The following ERCC6L2 variants were observed in gnomAD, a reference collection of about 807,000 sequenced individuals.
ERCC6L2 encodes ERCC excision repair 6 like 2.
In ERCC6L2, 77 loss-of-function variants were observed where a neutral mutation model predicts 132.0. The observed-to-expected ratio is 0.58, with a 90% CI of 0.49 to 0.71. ERCC6L2 has a LOEUF of 0.71. Among genes scored for constraint, ERCC6L2 ranks in the 30% least tolerant of loss-of-function variants. The pLI is 0.00. For synonymous variants in ERCC6L2, 583 were observed against 632.4 expected (o/e 0.92, Z 1.17); for missense variants, 1,542 against 1,837.6 (o/e 0.84, Z 2.94).
At position 95,918,545 on chromosome 9, in the gene ERCC6L2, TC is replaced by T. The variant is rs879021872; in HGVS notation, c.1158+2112del. 351 of 455,816 alleles carry T rather than the reference TC, an allele frequency of 7.7e-4. 3 individuals are homozygous for T. Among genetic ancestry groups the T allele is most frequent in the Middle Eastern group, 4.0e-3 (6 of 1,508 alleles). The allele number at this position is 455,816 out of a possible 1,614,324, so 28.2% of individuals were successfully genotyped here. A position where few individuals can be genotyped will look rare whatever the true frequency, so the allele number is the denominator to read the frequency against. ...CTAAAGACAAAATGATGAATGGAAGTCATTACAGCTACTCTGAGAATTGTGT... is the reference window on the plus strand; with the variant it reads ...CTAAAGACAAAATGATGAATGGAAGTATTACAGCTACTCTGAGAATTGTGT... On this transcript the variant is annotated intron_variant, in intron 6 of 18. Transcript: ENST00000653738.
chr9:95,923,063 C>T (rs1055341387), intron 8 of ERCC6L2, among the ~76,000 whole-genome samples, 197 bp from the exon 9 acceptor site: 5 of 152,128 alleles, frequency 3.3e-5, no homozygotes, highest in African/African-American at 7.2e-5. Context: ...TTAATAACCA[C>T]ATCATTAAGA....
At chr9:95,913,064 A>G (rs576411879) in intron 4 of ERCC6L2, among the ~76,000 whole-genome samples, 5 of 152,126 alleles carry the variant, frequency 3.3e-5, no homozygotes, top group Non-Finnish European at 7.4e-5. Context: ...CTCCATTGTA[A>G]AGATATGTTT....
intron 11 of ERCC6L2, among the ~76,000 whole-genome samples, chr9:95,931,261 A>G (rs1209091131): frequency 6.6e-6 from 1 of 152,046 alleles, no homozygotes; most frequent in East Asian, 1.9e-4. Context: ...AATAATCCTC[A>G]ATGTTACTAA....
At chr9:95,939,845 T>C (rs930952228) in intron 11 of ERCC6L2, among the ~76,000 whole-genome samples, 2 of 152,188 alleles carry the variant, frequency 1.3e-5, no homozygotes, top group African/African-American at 4.8e-5. Flanking sequence ...GTATAAGTGA[T>C]TTTTTATTGT....
chr9:95,924,650 T>C (rs1587916583), intron 9 of ERCC6L2, among the ~76,000 whole-genome samples: 1 of 152,116 alleles, frequency 6.6e-6, no homozygotes, highest in African/African-American at 2.4e-5. Flanking sequence ...AGTCTTGAAA[T>C]TAAGTTTTAT....
At chr9:95,978,982 A>C (rs1832784670) in intron 17 of ERCC6L2, among the ~76,000 whole-genome samples, 1 of 152,242 alleles carries the variant, frequency 6.6e-6, no homozygotes, top group African/African-American at 2.4e-5. Context: ...CACTGGTTTG[A>C]CAAAGGAATT....
chr9:95,973,286 A>G (rs1375722658), intron 16 of ERCC6L2, among the ~76,000 whole-genome samples, 198 bp downstream of exon 16: 2 of 152,184 alleles, frequency 1.3e-5, no homozygotes, highest in Non-Finnish European at 2.9e-5. Flanking sequence ...CATCTACCCC[A>G]GGACCCCCTC....
intron 19 of ERCC6L2, among the ~76,000 whole-genome samples, chr9:96,024,173 G>A (rs1356100039): frequency 6.6e-6 from 1 of 152,178 alleles, no homozygotes; most frequent in African/African-American, 2.4e-5. Context: ...CACATGGCTG[G>A]CCATAGTCTA....
At chr9:95,881,719 C>T (rs914489544) in intron 2 of ERCC6L2, among the ~76,000 whole-genome samples, 2 of 152,226 alleles carry the variant, frequency 1.3e-5, no homozygotes, top group Non-Finnish European at 2.9e-5. Context: ...GTTTCTTAAT[C>T]TGGAATCCCT....
chr9:96,003,609 TCCACATGGGTGCTATAGACTATAGCAC>T (rs1302878835), intron 17 of ERCC6L2, among the ~76,000 whole-genome samples: 3 of 152,142 alleles, frequency 2.0e-5, no homozygotes, highest in Non-Finnish European at 1.5e-5. Context: ...ATCTCCCATT[TCCACATGGGTGCTATAGACTATAGCAC>T]CCACATGGTG....
intron 1 of ERCC6L2, among the ~76,000 whole-genome samples, chr9:95,880,012 C>T (rs1190659418): frequency 2.0e-5 from 3 of 151,970 alleles, no homozygotes; most frequent in Middle Eastern, 3.2e-3. Context: ...CTGTGGACTC[C>T]CTCCTCATTC....
intron 2 of ERCC6L2, among the ~76,000 whole-genome samples, chr9:95,883,086 A>G (rs1827680363): frequency 6.6e-6 from 1 of 152,196 alleles, no homozygotes; most frequent in South Asian, 2.1e-4. Context: ...TTCCTTCCTC[A>G]GGAAAGGACC....
rs1407497669 is a variant in ERCC6L2 at position 96,013,261 on chromosome 9, A to C, written c.*58A>C. ...CTGCCATCACTGTTTACGGCACTGG[A>C]TTCCACACTGATTCTATTATCTTGA... On this transcript the variant is annotated 3_prime_UTR_variant, in exon 19 of 19. Coordinates refer to ENST00000653738, the MANE Select transcript of ERCC6L2 (RefSeq NM_020207.7). 18 of 1,235,938 alleles carry C rather than the reference A, an allele frequency of 1.5e-5. No individual in the cohort carries two copies. The highest frequency in any genetic ancestry group is 1.1e-6 in the Non-Finnish European group (1 of 941,782). 76.6% of individuals were successfully genotyped at this position (1,235,938 alleles called of 1,614,324 possible).
At chr9:95,988,377 T>C (rs1206124860) in intron 17 of ERCC6L2, among the ~76,000 whole-genome samples, 1 of 152,216 alleles carries the variant, frequency 6.6e-6, no homozygotes, top group Non-Finnish European at 1.5e-5. Flanking sequence ...AAGTTGATGT[T>C]TTATTTTGGA....
At chr9:95,877,153 T>G (rs1417223127) in intron 1 of ERCC6L2, 2 of 152,198 alleles carry the variant, frequency 1.3e-5, no homozygotes, top group Non-Finnish European at 2.9e-5. Context: ...TTCGACTCAT[T>G]AAATTTTAGG....
At chr9:95,899,505 A>T (rs1480548260) in intron 3 of ERCC6L2, among the ~76,000 whole-genome samples, 1 of 152,066 alleles carries the variant, frequency 6.6e-6, no homozygotes, top group South Asian at 2.1e-4. Context: ...CTCATTTGAT[A>T]ATGTGGTAAA....
chr9:96,006,989 AAGT>A (rs1426391314), intron 18 of ERCC6L2, among the ~76,000 whole-genome samples: 1 of 152,156 alleles, frequency 6.6e-6, no homozygotes, highest in African/African-American at 2.4e-5. Flanking sequence ...TTGCAGAAAC[AAGT>A]AGAAAGATGG....
intron 12 of ERCC6L2, among the ~76,000 whole-genome samples, chr9:95,948,190 A>G (rs1831153773): frequency 6.6e-6 from 1 of 152,228 alleles, no homozygotes; most frequent in Admixed American, 6.5e-5. Context: ...TCATGAGAAG[A>G]GGTCAAAATA....
Position 95,915,797 on chromosome 9 carries a change from C to T in ERCC6L2, c.918C>T (p.Asn306=), listed in dbSNP as rs754168035. The change falls in exon 5 of 19, where the codon AAC becomes AAT. Residue 306 remains asparagine (N), a synonymous_variant. Coordinates refer to ENST00000653738, the MANE Select transcript of ERCC6L2 (RefSeq NM_020207.7). The part of the protein sequence containing the change: ...RIGLTGTILQ[N]NMKELWCVMD... ...GCCTCACTGGAACCATCCTTCAGAACAACATGAAGGAACTGTGGTGTGTTA... is the reference window on the plus strand; with the variant it reads ...GCCTCACTGGAACCATCCTTCAGAATAACATGAAGGAACTGTGGTGTGTTA... 3 of 1,612,820 alleles carry T rather than the reference C, an allele frequency of 1.9e-6. No homozygotes were observed. The highest frequency in any genetic ancestry group is 3.3e-5 in the Admixed American group (2 of 59,770).
Sources: allele counts gnomAD v4.1 joint callset (sites outside exome capture counted in the v4.1 genomes callset), GRCh38; gene constraint gnomAD v4.1.1; transcripts MANE v1.5; gene names NCBI Gene and HGNC (gene_info 2026-07-23, HGNC 2026-07-21).